PTPN12: variants seen among roughly 807,000 people sequenced by gnomAD.
PTPN12 encodes the protein tyrosine-protein phosphatase non-receptor type 12.
A neutral mutation model predicts 97.6 loss-of-function variants in PTPN12; 29 were observed. The ratio of observed to expected loss-of-function variants is 0.30; its 90% CI spans 0.22 to 0.41. The LOEUF (loss-of-function observed/expected upper bound fraction) is 0.41. Among genes scored for constraint, PTPN12 ranks in the 10% least tolerant of loss-of-function variants. The pLI is 1.00. For synonymous variants in PTPN12, 327 were observed against 300.4 expected (o/e 1.09, Z -0.91); for missense variants, 819 against 926.0 (o/e 0.88, Z 1.50).
intron 1 of PTPN12, among the ~76,000 whole-genome samples, chr7:77,561,430 A>C (rs1202633399): frequency 6.6e-6 from 1 of 152,362 alleles, no homozygotes; most frequent in Non-Finnish European, 1.5e-5. Flanking sequence ...TGAAATTTTC[A>C]GAGGGTGTAG....
intron 1 of PTPN12, among the ~76,000 whole-genome samples, chr7:77,568,665 A>G (rs1307181086): frequency 6.6e-6 from 1 of 152,208 alleles, no homozygotes; most frequent in East Asian, 1.9e-4. Flanking sequence ...TGAATGAATG[A>G]AAAAGAAAAA....
At chr7:77,579,063 A>T (rs1490487066) in intron 2 of PTPN12, among the ~76,000 whole-genome samples, 1 of 152,066 alleles carries the variant, frequency 6.6e-6, no homozygotes, top group Non-Finnish European at 1.5e-5. Context: ...CCAGTCATTT[A>T]AAAAAAATCA....
chr7:77,589,252 T>A (rs562433608), intron 5 of PTPN12, among the ~76,000 whole-genome samples: 1 of 152,324 alleles, frequency 6.6e-6, no homozygotes, highest in Non-Finnish European at 1.5e-5. Context: ...TCTTCAAAAC[T>A]GAGAGAAGAT....
intron 8 of PTPN12, among the ~76,000 whole-genome samples, chr7:77,605,943 A>ATGTTTTTTT (rs1788356785): frequency 1.2e-5 from 1 of 84,440 alleles, no homozygotes; most frequent in Non-Finnish European, 2.2e-5. Flanking sequence ...AACAAGAGCC[A>ATGTTTTTTT]TCTTTTTTTT....
At chr7:77,563,533 G>A (rs890065517) in intron 1 of PTPN12, among the ~76,000 whole-genome samples, 2 of 152,206 alleles carry the variant, frequency 1.3e-5, no homozygotes, top group Non-Finnish European at 2.9e-5. Flanking sequence ...GATGATTTCT[G>A]TATTGGGCTA....
chr7:77,566,860 A>G (rs569149447), intron 1 of PTPN12, among the ~76,000 whole-genome samples: 3 of 152,268 alleles, frequency 2.0e-5, no homozygotes, highest in South Asian at 2.1e-4. Context: ...TCATTTAGCT[A>G]TATTTTTGCC....
rs1277618719 is a variant in PTPN12 at position 77,573,094 on chromosome 7, AAACAAAAAAAC to A, written c.208+1911_208+1921del. On this transcript the variant is annotated intron_variant, in intron 2 of 17. Transcript: ENST00000248594. ...TAAGACTCTATCTCAAAAAAAAAAA[AAACAAAAAAAC>A]AAAAAAAACCAGTGTACCTAGCACA... is the stretch of plus-strand genomic sequence containing the variant. Among the ~76,000 whole-genome samples, 30 of 41,676 alleles carry A rather than the reference AAACAAAAAAAC, an allele frequency of 7.2e-4. 9 individuals are homozygous for A. Among genetic ancestry groups the A allele is most frequent in the Non-Finnish European group, 1.0e-3 (25 of 23,944 alleles). The allele number at this position is 41,676 out of a possible 152,430, so 27.3% of individuals were successfully genotyped here.
intron 15 of PTPN12, 42 bp downstream of exon 15, chr7:77,635,891 C>A (rs1288817666): frequency 1.5e-6 from 2 of 1,345,002 alleles, no homozygotes; most frequent in South Asian, 1.4e-5. Flanking sequence ...CTTAACATTT[C>A]TACTCTTTTG....
At chr7:77,608,379 A>G (rs1387584511) in intron 9 of PTPN12, among the ~76,000 whole-genome samples, 1 of 152,160 alleles carries the variant, frequency 6.6e-6, no homozygotes, top group Non-Finnish European at 1.5e-5. Flanking sequence ...TGCTGTTGTG[A>G]TTGTTGTTCC....
intron 11 of PTPN12, among the ~76,000 whole-genome samples, chr7:77,615,505 G>T (rs1314606044): frequency 6.6e-6 from 1 of 152,168 alleles, no homozygotes; most frequent in East Asian, 1.9e-4. Context: ...CCAGCTCTTT[G>T]GGATGCCAGG....
chr7:77,537,315 G>C lies in PTPN12; in HGVS notation c.-232G>C. On this transcript the variant is annotated 5_prime_UTR_variant, in exon 1 of 18. Coordinates refer to ENST00000248594, the MANE Select transcript of PTPN12 (RefSeq NM_002835.4). ...TTGGCGCTAGCGCAGCGGCTCGCCT[G>C]GTACTGTGGGAGAGCGGCGGCTGCT... 1 of 490,060 alleles carries C rather than the reference G, an allele frequency of 2.0e-6. No individual in the cohort carries two copies. The highest frequency in any genetic ancestry group is 3.4e-6 in the Non-Finnish European group (1 of 291,088). The allele number at this position is 490,060 out of a possible 1,614,324, so 30.4% of individuals were successfully genotyped here. A position where few individuals can be genotyped will look rare whatever the true frequency, so the allele number is the denominator to read the frequency against.
At chr7:77,632,848 T>G (rs1160748675) in intron 14 of PTPN12, among the ~76,000 whole-genome samples, 2 of 152,142 alleles carry the variant, frequency 1.3e-5, no homozygotes, top group African/African-American at 4.8e-5. Flanking sequence ...TCTCAGCTAC[T>G]TGAGAGGCTG....
At chr7:77,539,743 C>G (rs909246181) in intron 1 of PTPN12, among the ~76,000 whole-genome samples, 6 of 152,192 alleles carry the variant, frequency 3.9e-5, no homozygotes, top group East Asian at 3.8e-4. Context: ...ATGCTCCTGC[C>G]TCAGCCTCCT....
At chr7:77,546,133 T>G (rs1179916575) in intron 1 of PTPN12, among the ~76,000 whole-genome samples, 2 of 152,098 alleles carry the variant, frequency 1.3e-5, no homozygotes, top group African/African-American at 4.8e-5. Context: ...GGTTTCACCA[T>G]GTTGGCCAGG....
intron 2 of PTPN12, among the ~76,000 whole-genome samples, chr7:77,577,336 G>A (rs905254168): frequency 6.6e-6 from 1 of 152,166 alleles, no homozygotes; most frequent in Non-Finnish European, 1.5e-5. Context: ...CTATCTCCAT[G>A]GGTGTGTGGT....
In PTPN12 at chr7:77,624,805, A is replaced by T. The variant is rs994718788; in HGVS notation, c.1026-1900A>T. ...TTACTGCCAGTTATCTGGTTGGATA[A>T]AAAAAGGTTGATCACCTGGGGGGAG... On this transcript the variant is annotated intron_variant, in intron 12 of 17. Coordinates refer to ENST00000248594, the MANE Select transcript of PTPN12 (RefSeq NM_002835.4). Among the ~76,000 whole-genome samples, 13 of 152,116 alleles carry T rather than the reference A, an allele frequency of 8.5e-5. 1 individual carries two copies. The Middle Eastern group carries it at 0.01, about 119-fold the overall frequency.
At chr7:77,551,600 C>G (rs1242393100) in intron 1 of PTPN12, among the ~76,000 whole-genome samples, 1 of 152,212 alleles carries the variant, frequency 6.6e-6, no homozygotes, top group African/African-American at 2.4e-5. Context: ...CAGGTTTCTT[C>G]AACATCACGT....
At chr7:77,636,980 G>T (rs1313435853) in intron 15 of PTPN12, 38 bp from the exon 16 acceptor site, 5 of 1,509,930 alleles carry the variant, frequency 3.3e-6, no homozygotes, top group Non-Finnish European at 4.6e-6. Flanking sequence ...TATATAAAAT[G>T]AATGTATTGT....
chr7:77,618,265 G>A (rs1025013804), intron 11 of PTPN12, among the ~76,000 whole-genome samples: 9 of 152,032 alleles, frequency 5.9e-5, no homozygotes, highest in Admixed American at 4.6e-4. Flanking sequence ...GATCTTTCCA[G>A]TAACTGTGAT....
Sources: gnomAD v4.1 joint callset for allele counts (sites outside exome capture counted in the v4.1 genomes callset) on GRCh38, gnomAD v4.1.1 for gene constraint, MANE v1.5 for transcripts, NCBI Gene and HGNC (gene_info 2026-07-23, HGNC 2026-07-21) for gene names.